The following RAB10 variants were observed in gnomAD, a reference collection of about 807,000 sequenced individuals.
RAB10 encodes RAB10, member RAS oncogene family.
RAB10 carries 5 observed loss-of-function variants against 25.7 expected under a neutral mutation model. That is an observed-to-expected ratio of 0.19 (90% CI 0.10 to 0.41). The LOEUF (loss-of-function observed/expected upper bound fraction) is 0.41, where lower values mean the gene tolerates loss of function less well. RAB10 is among the 10% of genes least tolerant of loss of function. The probability of loss-of-function intolerance (pLI) is 1.00; values close to 1 mark genes in which losing one functional copy is unlikely to be tolerated. For missense variants in RAB10, 103 were observed against 245.8 expected (o/e 0.42, Z 3.89); for synonymous variants, 89 against 86.4 (o/e 1.03, Z -0.16).
At chr2:26,116,204 A>G (rs1221960067) in intron 3 of RAB10, among the ~76,000 whole-genome samples, 1 of 151,914 alleles carries the variant, frequency 6.6e-6, no homozygotes, top group African/African-American at 2.4e-5. Flanking sequence ...TATTTTTGAG[A>G]TGGGTGTCTC....
At chr2:26,130,307 T>A (rs1181517635) in intron 5 of RAB10, among the ~76,000 whole-genome samples, 3 of 152,004 alleles carry the variant, frequency 2.0e-5, no homozygotes, top group Non-Finnish European at 4.4e-5. Flanking sequence ...TTTCTTTCTT[T>A]CCTTTTTTTT....
chr2:26,081,213 A>G (rs1417108066), intron 1 of RAB10, among the ~76,000 whole-genome samples: 1 of 152,214 alleles, frequency 6.6e-6, no homozygotes, highest in Non-Finnish European at 1.5e-5. Context: ...ATGTAAGTCC[A>G]TTAAACCTCT....
intron 1 of RAB10, among the ~76,000 whole-genome samples, chr2:26,091,910 G>A (rs1667114551): frequency 1.3e-5 from 2 of 152,112 alleles, no homozygotes; most frequent in South Asian, 2.1e-4. Flanking sequence ...GGTGGCTCAT[G>A]CCTGTAATCC....
rs545926080 is a variant in RAB10 at position 26,048,934 on chromosome 2, C to T, written c.127+14199C>T. ...ACAGATATTTTCTTCCAGTCTGTAG[C>T]TTGTCTTTTCATCCTCTTCACATGG... On this transcript the variant is annotated intron_variant, in intron 1 of 5. Transcript: ENST00000264710. Among the ~76,000 whole-genome samples, 19 of 152,226 alleles carry T rather than the reference C, an allele frequency of 1.2e-4. No individual in the cohort carries two copies. In the South Asian group the frequency reaches 3.5e-3, roughly 28 times the overall value.
chr2:26,086,136 A>C (rs1317737029), intron 1 of RAB10, among the ~76,000 whole-genome samples: 1 of 152,024 alleles, frequency 6.6e-6, no homozygotes, highest in East Asian at 1.9e-4. Flanking sequence ...CCAACATGAC[A>C]AAACCTCATC....
intron 1 of RAB10, among the ~76,000 whole-genome samples, chr2:26,052,834 A>G (rs1341628362): frequency 6.6e-6 from 1 of 152,080 alleles, no homozygotes; most frequent in African/African-American, 2.4e-5. Context: ...AGGGATGACA[A>G]TATTGGTATA....
intron 3 of RAB10, among the ~76,000 whole-genome samples, chr2:26,111,569 G>T (rs1349166940): frequency 6.7e-6 from 1 of 148,330 alleles, no homozygotes; most frequent in Non-Finnish European, 1.5e-5. Flanking sequence ...ACGCACCATT[G>T]TACTCCAGCC....
chr2:26,086,259 C>T (rs555071134), intron 1 of RAB10, among the ~76,000 whole-genome samples: 215 of 152,274 alleles, frequency 1.4e-3, no homozygotes, highest in Non-Finnish European at 2.3e-3. Context: ...GTACTCCAGC[C>T]TGGGCAACAA....
intron 1 of RAB10, among the ~76,000 whole-genome samples, chr2:26,098,370 T>A (rs759738269): frequency 6.6e-6 from 1 of 152,174 alleles, no homozygotes; most frequent in Non-Finnish European, 1.5e-5. Flanking sequence ...ACGCCTGGGC[T>A]TACACCATCT....
chr2:26,119,636 C>T (rs1667761909), intron 3 of RAB10, among the ~76,000 whole-genome samples: 1 of 152,056 alleles, frequency 6.6e-6, no homozygotes, highest in Non-Finnish European at 1.5e-5. Flanking sequence ...ATCCTCCCAG[C>T]CTAGCCTCCC....
intron 5 of RAB10, among the ~76,000 whole-genome samples, chr2:26,132,129 A>G (rs1668023563): frequency 6.6e-6 from 1 of 152,238 alleles, no homozygotes; most frequent in Admixed American, 6.5e-5. Context: ...AGTATATGAG[A>G]ATATGTGTTA....
chr2:26,084,683 C>T (rs1666940023), intron 1 of RAB10, among the ~76,000 whole-genome samples: 2 of 148,536 alleles, frequency 1.3e-5, no homozygotes, highest in South Asian at 2.1e-4. Flanking sequence ...TTATAAGGTT[C>T]TATGTAATTT....
At chr2:26,132,220 C>T (rs1668025317) in intron 5 of RAB10, among the ~76,000 whole-genome samples, 2 of 152,162 alleles carry the variant, frequency 1.3e-5, no homozygotes, top group South Asian at 2.1e-4. Flanking sequence ...AGATTTAATT[C>T]GCAGGTAATT....
intron 1 of RAB10, among the ~76,000 whole-genome samples, chr2:26,055,627 G>T (rs1202176550): frequency 6.6e-6 from 1 of 152,018 alleles, no homozygotes; most frequent in Admixed American, 6.6e-5. Context: ...GACCTCAGGT[G>T]GTCTGCCTGC....
chr2:26,068,803 T>C (rs1666566407), intron 1 of RAB10, among the ~76,000 whole-genome samples: 1 of 152,224 alleles, frequency 6.6e-6, no homozygotes, highest in East Asian at 1.9e-4. Flanking sequence ...TGGGCAAGGC[T>C]TAAAACCAGC....
chr2:26,086,298 G>A (rs779377099), intron 1 of RAB10, among the ~76,000 whole-genome samples: 1 of 152,174 alleles, frequency 6.6e-6, no homozygotes, highest in South Asian at 2.1e-4. Context: ...TAAAAAATGG[G>A]CAAAGGACTT....
At chr2:26,123,183 C>A (rs1667840043) in intron 3 of RAB10, among the ~76,000 whole-genome samples, 1 of 152,146 alleles carries the variant, frequency 6.6e-6, no homozygotes, top group Non-Finnish European at 1.5e-5. Flanking sequence ...TCAGGAAATA[C>A]CTTGCCATTA....
chr2:26,035,465 T>TTA (rs1665745385), intron 1 of RAB10, among the ~76,000 whole-genome samples: 1 of 152,228 alleles, frequency 6.6e-6, no homozygotes, highest in Non-Finnish European at 1.5e-5. Context: ...CATAGCCCTA[T>TTA]GGACTTATAA....
intron 1 of RAB10, among the ~76,000 whole-genome samples, chr2:26,065,290 C>T (rs1188269932): frequency 6.6e-6 from 1 of 151,376 alleles, no homozygotes; most frequent in Non-Finnish European, 1.5e-5. Flanking sequence ...CCTTTATTAG[C>T]TGTATCTCTA....
Sources: gnomAD v4.1 joint callset for allele counts (sites outside exome capture counted in the v4.1 genomes callset) on GRCh38, gnomAD v4.1.1 for gene constraint, MANE v1.5 for transcripts, NCBI Gene and HGNC (gene_info 2026-07-23, HGNC 2026-07-21) for gene names.